Variants in PTPRN2 observed in about 807,000 individuals in gnomAD.
The protein encoded by PTPRN2 is receptor-type tyrosine-protein phosphatase N2.
A neutral mutation model predicts 118.8 loss-of-function variants in PTPRN2; 74 were observed. The ratio of observed to expected loss-of-function variants is 0.62; its 90% confidence interval spans 0.52 to 0.76. The LOEUF is 0.76. Ranked by LOEUF, PTPRN2 falls within the 30% of genes least tolerant of loss-of-function variation. PTPRN2 has a pLI of 0.00. For missense variants in PTPRN2, 1,481 were observed against 1,394.4 expected, an observed-to-expected ratio of 1.06 and a Z score of -0.99; for synonymous variants, 641 against 608.0, an observed-to-expected ratio of 1.05 and a Z score of -0.80.
At chr7:157,984,581 T>TTGCTGGG (rs1005878590) in intron 11 of PTPRN2, among the ~76,000 whole-genome samples, 10 of 151,878 alleles carry the variant, frequency 6.6e-5, no homozygotes, top group African/African-American at 9.7e-5. Context: ...TGAGTGATGG[T>TTGCTGGG]TGCTGGGTGC....
At chr7:158,247,142 T>C (rs1796306146) in intron 3 of PTPRN2, among the ~76,000 whole-genome samples, 1 of 152,152 alleles carries the variant, frequency 6.6e-6, no homozygotes, top group Non-Finnish European at 1.5e-5. Flanking sequence ...CATCCCCATA[T>C]CTGCACATAG....
At chr7:157,850,797 C>T (rs946345093) in intron 12 of PTPRN2, among the ~76,000 whole-genome samples, 6 of 152,156 alleles carry the variant, frequency 3.9e-5, no homozygotes, top group South Asian at 2.1e-4. Flanking sequence ...GTAGAGTTGA[C>T]GGGAGAAACC....
At chr7:157,997,191 C>T (rs1287079806) in intron 11 of PTPRN2, among the ~76,000 whole-genome samples, 1 of 152,236 alleles carries the variant, frequency 6.6e-6, no homozygotes, top group African/African-American at 2.4e-5. Context: ...TCCTGAGTGC[C>T]CACGTGCCCT....
intron 3 of PTPRN2, among the ~76,000 whole-genome samples, chr7:158,238,070 C>T (rs1309175446): frequency 1.3e-5 from 2 of 152,190 alleles, no homozygotes; most frequent in African/African-American, 2.4e-5. Flanking sequence ...CTCCACAGTG[C>T]AGCCGCGGCC....
chr7:158,337,092 C>G (rs534938892), intron 2 of PTPRN2, among the ~76,000 whole-genome samples: 2 of 151,490 alleles, frequency 1.3e-5, no homozygotes, highest in Admixed American at 1.3e-4. Flanking sequence ...GTCACTCACA[C>G]CCACACTCTC....
chr7:158,572,520 C>G (rs1230928784), intron 1 of PTPRN2, among the ~76,000 whole-genome samples: 1 of 152,176 alleles, frequency 6.6e-6, no homozygotes, highest in Non-Finnish European at 1.5e-5. Context: ...TGGGTCCTAA[C>G]TCGAGTCTCT....
intron 3 of PTPRN2, among the ~76,000 whole-genome samples, chr7:158,270,849 AC>A (rs1288978582): frequency 2.6e-4 from 2 of 7,842 alleles, no homozygotes; most frequent in Non-Finnish European, 4.9e-4. Context: ...CCTCACCTGG[AC>A]CGCCCCCCCA....
chr7:158,121,246 G>A (rs1817150898), intron 9 of PTPRN2, among the ~76,000 whole-genome samples: 1 of 152,160 alleles, frequency 6.6e-6, no homozygotes, highest in Admixed American at 6.5e-5. Context: ...GAGGGCAGGT[G>A]CAGAAGGGCA....
intron 3 of PTPRN2, among the ~76,000 whole-genome samples, chr7:158,312,232 ACACATGCACACACACCTGCACACGCACT>A (rs1429583383): frequency 7.8e-6 from 1 of 127,548 alleles, no homozygotes; most frequent in Non-Finnish European, 1.9e-5. Flanking sequence ...AGACACCCAC[ACACATGCACACACACCTGCACACGCACT>A]CACGTGCTCA....
intron 2 of PTPRN2, among the ~76,000 whole-genome samples, chr7:158,344,264 G>T (rs1019515634): frequency 6.6e-6 from 1 of 152,132 alleles, no homozygotes; most frequent in Non-Finnish European, 1.5e-5. Context: ...GACCAGGCTC[G>T]GGAAGAGCTG....
At chr7:158,456,350 A>G (rs555897380) in intron 2 of PTPRN2, among the ~76,000 whole-genome samples, 27 of 132,052 alleles carry the variant, frequency 2.0e-4, no homozygotes, top group Admixed American at 1.9e-3. Flanking sequence ...AGAAGATAAC[A>G]GCATGGACGC....
At chr7:157,771,159 G>T (rs1035723303) in intron 12 of PTPRN2, among the ~76,000 whole-genome samples, 2 of 152,234 alleles carry the variant, frequency 1.3e-5, no homozygotes, top group African/African-American at 4.8e-5. Context: ...AGCCCTGGCT[G>T]AGCTCCACAA....
At chr7:157,623,228 T>G (rs1387725984) in intron 14 of PTPRN2, among the ~76,000 whole-genome samples, 1 of 152,250 alleles carries the variant, frequency 6.6e-6, no homozygotes, top group Non-Finnish European at 1.5e-5. Context: ...GTGAAAATAC[T>G]GACCAGCTCA....
Position 158,525,930 on chromosome 7 carries a change from C to T in PTPRN2, c.113-36145G>A, listed in dbSNP as rs905493758. ...CCCTGACAGGAAGACCCAAGCTCTC[C>T]TGAAGCCTTAGGGTCTCAACATCCC... On this transcript the variant is annotated intron_variant, in intron 1 of 22. Coordinates refer to ENST00000389418, the MANE Select transcript of PTPRN2 (RefSeq NM_002847.5). The surrounding 1 kb of genome is among the most constrained non-coding windows in gnomAD (Gnocchi z 4.1). Among the ~76,000 whole-genome samples, 2 of 152,202 alleles carry T rather than the reference C, an allele frequency of 1.3e-5. No homozygotes were observed. The highest frequency in any genetic ancestry group is 4.8e-5 in the African/African-American group (2 of 41,464).
chr7:157,643,882 A>G (rs958153569), intron 14 of PTPRN2, among the ~76,000 whole-genome samples: 5 of 152,226 alleles, frequency 3.3e-5, no homozygotes, highest in African/African-American at 1.2e-4. Context: ...GTGGCAGGTG[A>G]CAGCCCAGGG....
rs1013966984 is a variant in PTPRN2, at chr7:157,953,491, A to G, written c.1724-54754T>C. ...GTCACCACCTGCCCACCTTCTTCAC[A>G]CCATGAGGCTGCTGGCACGGGTGCC... is the stretch of plus-strand genomic sequence containing the variant. On this transcript the variant is annotated intron_variant, in intron 11 of 22. Coordinates refer to ENST00000389418, the MANE Select transcript of PTPRN2 (RefSeq NM_002847.5). The surrounding 1 kb of genome is among the most constrained non-coding windows in gnomAD (Gnocchi z 4.6). 3.3e-5 allele frequency among the ~76,000 whole-genome samples: 5 copies of G among 152,124 alleles called. No individual in the cohort carries two copies. Among genetic ancestry groups the G allele is most frequent in the Non-Finnish European group, 7.4e-5 (5 of 68,016 alleles).
chr7:158,219,413 AAGCAG>A (rs1828184874), intron 3 of PTPRN2, among the ~76,000 whole-genome samples: 1 of 152,164 alleles, frequency 6.6e-6, no homozygotes, highest in South Asian at 2.1e-4. Flanking sequence ...GACACAACTA[AAGCAG>A]TGTTAAAAGG....
intron 11 of PTPRN2, among the ~76,000 whole-genome samples, chr7:157,966,679 TATC>T (rs563687489): frequency 6.6e-5 from 10 of 150,860 alleles, no homozygotes; most frequent in East Asian, 2.0e-4. Flanking sequence ...TCATCATCTT[TATC>T]ATCACAATCC....
intron 2 of PTPRN2, among the ~76,000 whole-genome samples, chr7:158,452,856 TCTC>T (rs1292106145): frequency 6.6e-6 from 1 of 152,144 alleles, no homozygotes; most frequent in Non-Finnish European, 1.5e-5. Flanking sequence ...CAAAGAGTCT[TCTC>T]CTCCAGAGTA....
Sources: gnomAD v4.1 joint callset for allele counts (sites outside exome capture counted in the v4.1 genomes callset) on GRCh38, gnomAD v4.1.1 for gene constraint, Gnocchi (gnomAD v3.1) non-coding constraint, MANE v1.5 for transcripts, NCBI Gene and HGNC (gene_info 2026-07-23, HGNC 2026-07-21) for gene names.